The following OPCML variants were observed in gnomAD, a reference collection of about 807,000 sequenced individuals.
The protein encoded by OPCML is opioid-binding protein/cell adhesion molecule.
Under a neutral mutation model 37.8 loss-of-function variants are expected in OPCML, and 13 were observed. The ratio of observed to expected loss-of-function variants is 0.34; its 90% confidence interval spans 0.22 to 0.55. The LOEUF (loss-of-function observed/expected upper bound fraction) is 0.55. Ranked by LOEUF, OPCML falls within the 20% of genes least tolerant of loss-of-function variation. The pLI, the probability that OPCML is intolerant of heterozygous loss-of-function variation, is 0.91. For synonymous variants in OPCML, 176 were observed against 168.8 expected (o/e 1.04, Z -0.33); for missense variants, 341 against 435.6 (o/e 0.78, Z 1.93).
intron 1 of OPCML, among the ~76,000 whole-genome samples, chr11:133,034,300 T>C (rs1947728535): frequency 7.8e-6 from 1 of 127,802 alleles, no homozygotes; most frequent in African/African-American, 3.0e-5. Context: ...AGTAGCTCTG[T>C]ATGTATAGGT....
intron 1 of OPCML, among the ~76,000 whole-genome samples, chr11:133,325,308 A>G (rs1271102397): frequency 6.6e-6 from 1 of 152,212 alleles, no homozygotes; most frequent in Non-Finnish European, 1.5e-5. Flanking sequence ...ATAAAATATT[A>G]GATTGCCGGA....
At chr11:133,501,391 C>CA (rs758511697) in intron 1 of OPCML, among the ~76,000 whole-genome samples, 12 of 152,172 alleles carry the variant, frequency 7.9e-5, no homozygotes, top group Non-Finnish European at 1.0e-4. Context: ...CTTTCATGGT[C>CA]AAAACCAATT....
At chr11:132,915,571 T>C (rs990656654) in intron 2 of OPCML, among the ~76,000 whole-genome samples, 2 of 152,232 alleles carry the variant, frequency 1.3e-5, no homozygotes, top group South Asian at 4.1e-4. Flanking sequence ...ATATGGACAA[T>C]CACCGTCTCC....
chr11:132,478,147 A>G (rs1264260827), intron 4 of OPCML, among the ~76,000 whole-genome samples: 1 of 152,228 alleles, frequency 6.6e-6, no homozygotes, highest in Admixed American at 6.5e-5. Context: ...GAAATGATAT[A>G]ATACAGTATA....
At chr11:133,411,414 T>C (rs562066522) in intron 1 of OPCML, among the ~76,000 whole-genome samples, 104 of 152,204 alleles carry the variant, frequency 6.8e-4, no homozygotes, top group African/African-American at 2.2e-3. Context: ...TGCCTTCCCC[T>C]AACAGAAGAG....
At chr11:132,810,095 C>A (rs1156787923) in intron 2 of OPCML, among the ~76,000 whole-genome samples, 1 of 152,022 alleles carries the variant, frequency 6.6e-6, no homozygotes, top group East Asian at 2.0e-4. Flanking sequence ...GTGATCCGCC[C>A]GCCTCAGCCT....
chr11:132,449,757 G>A (rs764464284), intron 4 of OPCML, among the ~76,000 whole-genome samples: 5 of 152,188 alleles, frequency 3.3e-5, no homozygotes, highest in Admixed American at 6.5e-5. Context: ...CAGGACCCCT[G>A]AGCAGGCCAC....
At chr11:133,004,568 C>A (rs1947070820) in intron 1 of OPCML, 1 of 985,452 alleles carries the variant, frequency 1.0e-6, no homozygotes, top group Non-Finnish European at 1.2e-6. Flanking sequence ...CCTGCCAATG[C>A]CCATGCAGGC....
In OPCML at chr11:132,418,394, G is replaced by T. The variant is rs1370761155; in HGVS notation, c.*1799C>A. The T allele has an allele frequency of 6.6e-6, 1 of 152,390 alleles. No homozygotes were observed. Among genetic ancestry groups the T allele is most frequent in the Admixed American group, 6.5e-5 (1 of 15,278 alleles). The allele number at this position is 152,390 out of a possible 1,614,324, so 9.4% of individuals were successfully genotyped here. A position where few individuals can be genotyped will look rare whatever the true frequency, so the allele number is the denominator to read the frequency against. ...TCGTCCCAGGAGACAAGACAGCAAA[G>T]GTGGCTCAGCTCTTGTTTGTATGCT... On this transcript the variant is annotated 3_prime_UTR_variant, in exon 8 of 8. Coordinates refer to ENST00000524381, the MANE Select transcript of OPCML (RefSeq NM_001012393.5).
chr11:132,682,987 C>T (rs957660139), intron 2 of OPCML, among the ~76,000 whole-genome samples: 3 of 152,198 alleles, frequency 2.0e-5, no homozygotes, highest in African/African-American at 7.2e-5. Flanking sequence ...AGAATTAAGC[C>T]TCAAACTCAT....
chr11:133,107,324 A>AT (rs984421882), intron 1 of OPCML, among the ~76,000 whole-genome samples: 1 of 152,230 alleles, frequency 6.6e-6, no homozygotes, highest in African/African-American at 2.4e-5. Context: ...CTGCACTCTG[A>AT]TAACGGGGAG....
At chr11:132,554,928 C>A (rs749506710) in intron 3 of OPCML, among the ~76,000 whole-genome samples, 2 of 111,738 alleles carry the variant, frequency 1.8e-5, no homozygotes, top group African/African-American at 7.0e-5. Flanking sequence ...AGATCTGAGA[C>A]GTAGAGTTTC....
chr11:132,578,755 CT>C (rs1253953354), intron 3 of OPCML, among the ~76,000 whole-genome samples: 3 of 152,202 alleles, frequency 2.0e-5, no homozygotes, highest in Non-Finnish European at 2.9e-5. Flanking sequence ...ACACATGCTG[CT>C]GTACAATATT....
At chr11:132,999,882 G>T (rs113831303) in intron 1 of OPCML, among the ~76,000 whole-genome samples, 2,458 of 152,252 alleles carry the variant, frequency 0.016, 61 homozygotes, top group African/African-American at 0.055. Flanking sequence ...TTCCAAAGTA[G>T]CCCAACCTCT....
chr11:133,214,967 C>A (rs1452848592), intron 1 of OPCML, among the ~76,000 whole-genome samples: 1 of 152,168 alleles, frequency 6.6e-6, no homozygotes, highest in Non-Finnish European at 1.5e-5. Flanking sequence ...TACAGAAACT[C>A]AAACTTCTAT....
chr11:133,443,393 A>G (rs1346575894), intron 1 of OPCML, among the ~76,000 whole-genome samples: 1 of 152,200 alleles, frequency 6.6e-6, no homozygotes, highest in Admixed American at 6.5e-5. Flanking sequence ...CATTTTACCA[A>G]CATCAAGCTG....
intron 1 of OPCML, among the ~76,000 whole-genome samples, chr11:133,082,656 C>G (rs1276760379): frequency 3.3e-5 from 2 of 59,782 alleles, no homozygotes; most frequent in East Asian, 5.3e-4. Context: ...CCGAGTGGCA[C>G]AGCCCTCGGC....
intron 4 of OPCML, among the ~76,000 whole-genome samples, chr11:132,473,124 T>C (rs1263857132): frequency 6.6e-6 from 1 of 152,140 alleles, no homozygotes; most frequent in Non-Finnish European, 1.5e-5. Context: ...AACTCTTCCA[T>C]TAAGGACAAG....
At chr11:133,157,252 C>T (rs1025735166) in intron 1 of OPCML, among the ~76,000 whole-genome samples, 3 of 152,156 alleles carry the variant, frequency 2.0e-5, no homozygotes, top group African/African-American at 7.2e-5. Context: ...CATCACAAGA[C>T]CTTACAAATT....
Sources: gnomAD v4.1 joint callset for allele counts (sites outside exome capture counted in the v4.1 genomes callset) on GRCh38, gnomAD v4.1.1 for gene constraint, MANE v1.5 for transcripts, NCBI Gene and HGNC (gene_info 2026-07-23, HGNC 2026-07-21) for gene names.